UGT1A10: variants seen among roughly 807,000 people sequenced by gnomAD.
The protein encoded by UGT1A10 is UDP-glucuronosyltransferase 1A10.
A neutral mutation model predicts 45.8 loss-of-function variants in UGT1A10; 49 were observed. That is an observed-to-expected ratio of 1.07 (90% CI 0.85 to 1.36). The LOEUF is 1.36. Among genes scored for constraint, UGT1A10 ranks in the 40% most tolerant of loss-of-function variants. The pLI, the probability that UGT1A10 is intolerant of heterozygous loss-of-function variation, is 0.00. For synonymous variants in UGT1A10, 284 were observed against 249.7 expected (o/e 1.14, Z -1.29); for missense variants, 745 against 668.6 (o/e 1.11, Z -1.26).
At chr2:233,686,352 CA>C (rs1324120772) in intron 1 of UGT1A10, among the ~76,000 whole-genome samples, 4 of 151,822 alleles carry the variant, frequency 2.6e-5, no homozygotes, top group Non-Finnish European at 5.9e-5. Flanking sequence ...TTTTGTATAT[CA>C]AAGGATACTA....
rs754634228 is a variant in UGT1A10, at chr2:233,718,864, G to T, written c.856-48170G>T. On this transcript the variant is annotated intron_variant, in intron 1 of 4. Coordinates refer to ENST00000344644, the MANE Select transcript of UGT1A10 (RefSeq NM_019075.4). ...GTTCCCCTGCCGCGGCTGGCCACAG[G>T]ACTGCTGCTCCTCCTCAGTGTCCAG... 1 of 1,613,858 alleles carries T rather than the reference G, an allele frequency of 6.2e-7. No homozygotes were observed. The highest frequency in any genetic ancestry group is 2.2e-5 in the East Asian group (1 of 44,890).
At position 233,677,360 on chromosome 2, in the gene UGT1A10, G is replaced by A. The variant is rs149662759; in HGVS notation, c.855+39983G>A. On this transcript the variant is annotated intron_variant, in intron 1 of 4. Coordinates refer to ENST00000344644, the MANE Select transcript of UGT1A10 (RefSeq NM_019075.4). ...GACCCCTGAACAATGTGGGAATGAAGGGGACCAACCCGTGTGTAGTAGAAA... is the reference window on the plus strand; with the variant it reads ...GACCCCTGAACAATGTGGGAATGAAAGGGACCAACCCGTGTGTAGTAGAAA... Among the ~76,000 whole-genome samples the A allele has an allele frequency of 2.6e-5, 4 of 152,236 alleles. No homozygotes were observed. In the East Asian group the frequency reaches 7.7e-4, roughly 29 times the overall value.
intron 1 of UGT1A10, among the ~76,000 whole-genome samples, chr2:233,712,397 G>C (rs1221786443): frequency 2.6e-5 from 4 of 152,200 alleles, no homozygotes. Context: ...ACTTCAGAGA[G>C]AGTCCTCTTT....
intron 1 of UGT1A10, among the ~76,000 whole-genome samples, chr2:233,701,924 A>C (rs2075660838): frequency 6.6e-6 from 1 of 152,202 alleles, no homozygotes; most frequent in African/African-American, 2.4e-5. Flanking sequence ...CTAACATCAC[A>C]ATTAAAAGAA....
chr2:233,762,447 C>T (rs867092179), intron 1 of UGT1A10, among the ~76,000 whole-genome samples: 2 of 152,128 alleles, frequency 1.3e-5, no homozygotes, highest in Non-Finnish European at 2.9e-5. Context: ...TTCCCACTGC[C>T]CACTTACCGA....
chr2:233,721,250 A>G (rs1349740606), intron 1 of UGT1A10, among the ~76,000 whole-genome samples: 1 of 152,166 alleles, frequency 6.6e-6, no homozygotes, highest in East Asian at 1.9e-4. Context: ...TAAAAAATAT[A>G]TATGTTCTTT....
Position 233,768,325 on chromosome 2 carries a change from A to G in UGT1A10, c.1181A>G (p.Gln394Arg). 2.5e-6 allele frequency: 4 copies of G among 1,614,222 alleles called. No homozygotes were observed. The highest frequency in any genetic ancestry group is 3.4e-6 in the Non-Finnish European group (4 of 1,180,032). ...PMVMMPLFGDQMDNAKRMETK... is the reference protein window; with the variant it reads ...PMVMMPLFGDRMDNAKRMETK... ...GTGATGATGCCCTTGTTTGGTGATCAGATGGACAATGCAAAGCGCATGGAG... is the reference window on the plus strand; with the variant it reads ...GTGATGATGCCCTTGTTTGGTGATCGGATGGACAATGCAAAGCGCATGGAG... The change falls in exon 4 of 5, where the codon CAG becomes CGG. Residue 394 changes from glutamine (Q) to arginine (R), a missense_variant. Physicochemically the swap from Gln to Arg is conservative, Grantham distance 43 (BLOSUM62 1). Coordinates refer to ENST00000344644, the MANE Select transcript of UGT1A10 (RefSeq NM_019075.4).
chr2:233,768,233 C>A lies in UGT1A10; in HGVS notation c.1089C>A (p.Thr363=), dbSNP rs1699591703. The change falls in exon 4 of 5, where the codon ACC becomes ACA. Residue 363 remains threonine, a synonymous_variant. Coordinates refer to ENST00000344644, the MANE Select transcript of UGT1A10 (RefSeq NM_019075.4). ...PQNDLLGHPM[T]RAFITHAGSH... ...TTTGCATCTCAGGTCACCCGATGAC[C>A]CGTGCCTTTATCACCCATGCTGGTT... 6.2e-7 allele frequency: 1 copy of A among 1,614,170 alleles called. No homozygotes were observed. The highest frequency in any genetic ancestry group is 8.5e-7 in the Non-Finnish European group (1 of 1,180,028).
At chr2:233,691,877 G>A (rs948217573) in intron 1 of UGT1A10, 2 of 155,778 alleles carry the variant, frequency 1.3e-5, no homozygotes, top group Admixed American at 1.3e-4. Flanking sequence ...ATATATGTTT[G>A]TCTTTGTTTC....
chr2:233,729,585 C>G lies in UGT1A10; in HGVS notation c.856-37449C>G, dbSNP rs138617806. The G allele has an allele frequency of 8.1e-6, 13 of 1,613,966 alleles. No individual in the cohort carries two copies. In the African/African-American group the frequency reaches 1.3e-4, roughly 17 times the overall value. ...CCTTTGATGTGGTTTTAACAGACCC[C>G]GTTAACCTCTGCGCGGCAGTGCTGG... On this transcript the variant is annotated intron_variant, in intron 1 of 4. Coordinates refer to ENST00000344644, the MANE Select transcript of UGT1A10 (RefSeq NM_019075.4).
At position 233,769,031 on chromosome 2, in the gene UGT1A10, T is replaced by A. The variant is rs1307617494; in HGVS notation, c.1295+592T>A. ...CAATTTACATAAAAAGTTGCCATAA[T>A]AGACATCTGATCCATAAGTTTCCTG... On this transcript the variant is annotated intron_variant, in intron 4 of 4. Transcript: ENST00000344644. The surrounding 1 kb of genome is among the most constrained non-coding windows in gnomAD (Gnocchi z 4.4). 6.6e-6 allele frequency among the ~76,000 whole-genome samples: 1 copy of A among 152,206 alleles called. No individual in the cohort carries two copies. The highest frequency in any genetic ancestry group is 1.5e-5 in the Non-Finnish European group (1 of 68,040).
chr2:233,639,693 A>C (rs568433517), intron 1 of UGT1A10, among the ~76,000 whole-genome samples: 119 of 152,304 alleles, frequency 7.8e-4, no homozygotes, highest in African/African-American at 2.8e-3. Flanking sequence ...AATCTCCTTG[A>C]GTCTATCCAG....
chr2:233,680,498 G>A lies in UGT1A10; in HGVS notation c.855+43121G>A, dbSNP rs565945419. 4.6e-5 allele frequency among the ~76,000 whole-genome samples: 7 copies of A among 152,264 alleles called. No homozygotes were observed. The East Asian group carries it at 1.4e-3, about 29-fold the overall frequency. On this transcript the variant is annotated intron_variant, in intron 1 of 4. Transcript: ENST00000344644. ...GGTGTCCTGGAAGGAACCATCTTGT[G>A]CTTCTACAAGAATTATGCCCTGAGG...
chr2:233,732,815 A>G (rs1359476181), intron 1 of UGT1A10, among the ~76,000 whole-genome samples: 2 of 140,410 alleles, frequency 1.4e-5, no homozygotes, highest in African/African-American at 5.5e-5. Context: ...TTGATTCCAT[A>G]TGAACTTTAA....
intron 1 of UGT1A10, chr2:233,719,082 G>C: frequency 6.2e-7 from 1 of 1,614,280 alleles, no homozygotes; most frequent in Non-Finnish European, 8.5e-7. Flanking sequence ...GACCCAGAAG[G>C]AATTTGATCG....
chr2:233,698,825 A>G lies in UGT1A10; in HGVS notation c.855+61448A>G, dbSNP rs116279107. Reference sequence around the variant, plus strand: ...CCCAGCCTCGCCTTGTGGAAGAGTAAGGCAGGATCACTTCCCTCTTATTCC... The same window carrying G: ...CCCAGCCTCGCCTTGTGGAAGAGTAGGGCAGGATCACTTCCCTCTTATTCC... On this transcript the variant is annotated intron_variant, in intron 1 of 4. Coordinates refer to ENST00000344644, the MANE Select transcript of UGT1A10 (RefSeq NM_019075.4). Among the ~76,000 whole-genome samples, 635 of 152,362 alleles carry G rather than the reference A, an allele frequency of 4.2e-3. 10 individuals are homozygous for G. Among genetic ancestry groups the G allele is most frequent in the African/African-American group, 0.015 (605 of 41,584 alleles).
chr2:233,675,475 T>G (rs924736975), intron 1 of UGT1A10, among the ~76,000 whole-genome samples: 1 of 152,150 alleles, frequency 6.6e-6, no homozygotes, highest in Non-Finnish European at 1.5e-5. Flanking sequence ...CCATGGCAGG[T>G]GCGGCTCTGG....
intron 1 of UGT1A10, chr2:233,729,609 G>C: frequency 6.2e-7 from 1 of 1,613,988 alleles, no homozygotes. Flanking sequence ...CGGCAGTGCT[G>C]GCTAAGTACC....
At chr2:233,755,411 C>G (rs1182147250) in intron 1 of UGT1A10, 4 of 330,942 alleles carry the variant, frequency 1.2e-5, no homozygotes, top group South Asian at 7.6e-5. Flanking sequence ...TTGGCCGAGG[C>G]CTGTGAGCGC....
Sources: allele counts gnomAD v4.1 joint callset (sites outside exome capture counted in the v4.1 genomes callset), GRCh38; gene constraint gnomAD v4.1.1; non-coding constraint Gnocchi (gnomAD v3.1); transcripts MANE v1.5; gene names NCBI Gene and HGNC (gene_info 2026-07-23, HGNC 2026-07-21).